TMEM161B: variants seen among roughly 807,000 people sequenced by gnomAD.
The protein encoded by TMEM161B is transmembrane protein 161B.
In TMEM161B, 34 loss-of-function variants were observed where a neutral mutation model predicts 61.8. The ratio of observed to expected loss-of-function variants is 0.55; its 90% confidence interval spans 0.42 to 0.73. The LOEUF (loss-of-function observed/expected upper bound fraction) is 0.73. TMEM161B is among the 30% of genes least tolerant of loss of function. The pLI, the probability that TMEM161B is intolerant of heterozygous loss-of-function variation, is 0.00. For missense variants in TMEM161B, 456 were observed against 558.5 expected (o/e 0.82, Z 1.85); for synonymous variants, 167 against 192.8 (o/e 0.87, Z 1.11).
Position 88,195,884 on chromosome 5 carries a change from T to C in TMEM161B, c.*327A>G. ...TAAAAGCAATCAATAACTAGAGTCATGTGAGATGTTTCAAAGACTGCTGGA... is the reference window on the plus strand; with the variant it reads ...TAAAAGCAATCAATAACTAGAGTCACGTGAGATGTTTCAAAGACTGCTGGA... On this transcript the variant is annotated 3_prime_UTR_variant, in exon 12 of 12. Transcript: ENST00000296595. 2 of 1,062,242 alleles carry C rather than the reference T, an allele frequency of 1.9e-6. No homozygotes were observed. Among genetic ancestry groups the C allele is most frequent in the Middle Eastern group, 4.5e-4 (1 of 2,226 alleles). The allele number at this position is 1,062,242 out of a possible 1,614,324, so 65.8% of individuals were successfully genotyped here.
chr5:88,220,809 T>C (rs1748825881), intron 4 of TMEM161B, 90 bp from the exon 5 acceptor site: 3 of 1,400,212 alleles, frequency 2.1e-6, no homozygotes, highest in East Asian at 2.7e-5. Flanking sequence ...GATTTATTTA[T>C]AATTAAAATA....
At chr5:88,189,344 A>G (rs1385652595), downstream of TMEM161B, among the ~76,000 whole-genome samples, 1 of 152,148 alleles carries the variant, frequency 6.6e-6, no homozygotes, top group East Asian at 1.9e-4. Flanking sequence ...TGGACCAGTC[A>G]GCTTCCGGGT....
chr5:88,216,573 G>T (rs1229280052), intron 5 of TMEM161B, among the ~76,000 whole-genome samples: 2 of 152,174 alleles, frequency 1.3e-5, no homozygotes, highest in Non-Finnish European at 2.9e-5. Context: ...TACTTTGTGA[G>T]GATATTGACT....
At chr5:88,234,571 T>G (rs1373054537) in intron 2 of TMEM161B, among the ~76,000 whole-genome samples, 1 of 152,286 alleles carries the variant, frequency 6.6e-6, no homozygotes, top group South Asian at 2.1e-4. Context: ...GTCTTTTCCT[T>G]TGGTATTAAG....
intron 2 of TMEM161B, among the ~76,000 whole-genome samples, chr5:88,234,587 T>C (rs1482577216): frequency 6.6e-6 from 1 of 152,228 alleles, no homozygotes; most frequent in Non-Finnish European, 1.5e-5. Context: ...TTAAGTGGTA[T>C]GTCTATCTCA....
In TMEM161B at chr5:88,203,066, A is replaced by T; in HGVS notation, c.810T>A (p.Leu270=). ...LATEKITQTL[L]HINFLAPLFM... ...ATAAAGGTGCCAAGAAGTTGATATG[A>T]AGTAAAGTTCTGAAAGTACGTAAGA... The change falls in exon 9 of 12, where the codon CTT becomes CTA. Residue 270 remains leucine (L), a synonymous_variant. Transcript: ENST00000296595. The T allele has an allele frequency of 6.3e-7, 1 of 1,585,558 alleles. No individual in the cohort carries two copies. The highest frequency in any genetic ancestry group is 8.7e-7 in the Non-Finnish European group (1 of 1,154,784).
rs548466668 is a variant in TMEM161B, at chr5:88,265,372, G to C, written c.3+3349C>G. On this transcript the variant is annotated intron_variant, in intron 1 of 11. Transcript: ENST00000296595. Reference sequence around the variant, plus strand: ...GGAAGGATGGTTTCGGGATGAAATTGTTCCACCTCAGATCATCAGGCATTA... The same window carrying C: ...GGAAGGATGGTTTCGGGATGAAATTCTTCCACCTCAGATCATCAGGCATTA... 4.1e-4 allele frequency among the ~76,000 whole-genome samples: 63 copies of C among 152,246 alleles called. No homozygotes were observed. The South Asian group carries it at 0.012, about 30-fold the overall frequency.
At position 88,196,498 on chromosome 5, in the gene TMEM161B, CAA is replaced by C. The variant is rs777318228; in HGVS notation, c.1187-12_1187-11del. The C allele has an allele frequency of 6.4e-7, 1 of 1,556,298 alleles. No homozygotes were observed. The highest frequency in any genetic ancestry group is 1.2e-5 in the South Asian group (1 of 82,316). On this transcript the variant is annotated splice_polypyrimidine_tract_variant and intron_variant, in intron 11 of 11. Transcript: ENST00000296595. Reference sequence around the variant, plus strand: ...CCCCAGGAATGATTACCTAGAAAATCAAAGACACAAATACAATTTGAAGAGTA... The same window carrying C: ...CCCCAGGAATGATTACCTAGAAAATCAGACACAAATACAATTTGAAGAGTA...
rs373402437 is a variant in TMEM161B at position 88,225,070 on chromosome 5, T to C, written c.289+699A>G. On this transcript the variant is annotated intron_variant, in intron 4 of 11. Transcript: ENST00000296595. Reference sequence around the variant, plus strand: ...GCAACCTCCGCCTCCCGGGTTCACGTCATTCTCCTGCCTCAGCTCCCTGAG... The same window carrying C: ...GCAACCTCCGCCTCCCGGGTTCACGCCATTCTCCTGCCTCAGCTCCCTGAG... 9.4e-5 allele frequency among the ~76,000 whole-genome samples: 14 copies of C among 148,856 alleles called. 1 individual carries two copies. Among genetic ancestry groups the C allele is most frequent in the African/African-American group, 2.2e-4 (9 of 40,490 alleles).
At chr5:88,228,392 T>C in intron 3 of TMEM161B, 53 bp downstream of exon 3, 1 of 1,261,770 alleles carries the variant, frequency 7.9e-7, no homozygotes, top group South Asian at 1.3e-5. Flanking sequence ...TAAAAATGTA[T>C]TTATATAAAT....
intron 1 of TMEM161B, among the ~76,000 whole-genome samples, chr5:88,254,729 C>A (rs1240960679): frequency 6.6e-6 from 1 of 151,896 alleles, no homozygotes; most frequent in Non-Finnish European, 1.5e-5. Flanking sequence ...GTAATCCCAG[C>A]TATTCAGAAG....
In TMEM161B at chr5:88,195,323, A is replaced by T; in HGVS notation, c.*888T>A. 1 of 821,326 alleles carries T rather than the reference A, an allele frequency of 1.2e-6. No homozygotes were observed. Among genetic ancestry groups the T allele is most frequent in the Non-Finnish European group, 1.5e-6 (1 of 681,858 alleles). The allele number at this position is 821,326 out of a possible 1,614,324, so 50.9% of individuals were successfully genotyped here. A position where few individuals can be genotyped will look rare whatever the true frequency, so the allele number is the denominator to read the frequency against. ...TTCTGCAACTTAAAATATTATAAGG[A>T]TTCAATATTTTCATCTTTTATAATC... On this transcript the variant is annotated 3_prime_UTR_variant, in exon 12 of 12. Transcript: ENST00000296595.
intron 1 of TMEM161B, among the ~76,000 whole-genome samples, chr5:88,263,559 T>G (rs557891687): frequency 3.6e-4 from 55 of 152,080 alleles, no homozygotes; most frequent in Non-Finnish European, 6.3e-4. Flanking sequence ...ATACAAAGAG[T>G]TTACACTTAA....
intron 6 of TMEM161B, 38 bp from the exon 7 acceptor site, chr5:88,206,537 A>G (rs926235749): frequency 8.1e-6 from 12 of 1,475,246 alleles, no homozygotes; most frequent in East Asian, 6.9e-5. Flanking sequence ...GATTACTCTT[A>G]TCACAAATGT....
intron 1 of TMEM161B, among the ~76,000 whole-genome samples, chr5:88,259,814 T>C (rs148445480): frequency 1.3e-5 from 2 of 152,232 alleles, no homozygotes; most frequent in Non-Finnish European, 2.9e-5. Context: ...CGTTACTAAT[T>C]ATGATTTCTA....
chr5:88,226,962 T>C (rs1022933116), intron 3 of TMEM161B, among the ~76,000 whole-genome samples: 5 of 149,360 alleles, frequency 3.3e-5, no homozygotes, highest in Admixed American at 6.7e-5. Flanking sequence ...TCTCTACAAA[T>C]TTTTTTTTTT....
At chr5:88,235,764 A>C (rs1020412868) in intron 2 of TMEM161B, among the ~76,000 whole-genome samples, 1 of 152,186 alleles carries the variant, frequency 6.6e-6, no homozygotes, top group Non-Finnish European at 1.5e-5. Context: ...TTTAGTCTCC[A>C]TTCTAAATCT....
chr5:88,205,431 T>C (rs1745275531), intron 8 of TMEM161B, among the ~76,000 whole-genome samples: 1 of 152,080 alleles, frequency 6.6e-6, no homozygotes, highest in East Asian at 1.9e-4. Context: ...AAAAAGTTAA[T>C]TTAAATAGAT....
chr5:88,265,557 C>G (rs2112798021), intron 1 of TMEM161B, among the ~76,000 whole-genome samples: 1 of 152,282 alleles, frequency 6.6e-6, no homozygotes, highest in South Asian at 2.1e-4. Context: ...GATGTGCAGC[C>G]CAGTTCCTAA....
Sources: gnomAD v4.1 joint callset for allele counts (sites outside exome capture counted in the v4.1 genomes callset) on GRCh38, gnomAD v4.1.1 for gene constraint, MANE v1.5 for transcripts, NCBI Gene and HGNC (gene_info 2026-07-23, HGNC 2026-07-21) for gene names.